Variants in SVEP1 observed in about 807,000 individuals in gnomAD.
SVEP1 encodes sushi, von Willebrand factor type A, EGF and pentraxin domain containing 1.
Under a neutral mutation model 367.3 loss-of-function variants are expected in SVEP1, and 164 were observed. The observed-to-expected ratio is 0.45, with a 90% CI of 0.39 to 0.51. The LOEUF is 0.51. Among genes scored for constraint, SVEP1 ranks in the 20% least tolerant of loss-of-function variants. The probability of loss-of-function intolerance (pLI) is 0.00; values close to 1 mark genes in which losing one functional copy is unlikely to be tolerated. For missense variants in SVEP1, 4,117 were observed against 4,425.3 expected (o/e 0.93, Z 1.98); for synonymous variants, 1,666 against 1,611.6 (o/e 1.03, Z -0.81).
chr9:110,563,291 G>A (rs1372632139), intron 1 of SVEP1, among the ~76,000 whole-genome samples: 3 of 152,058 alleles, frequency 2.0e-5, no homozygotes, highest in Non-Finnish European at 4.4e-5. Flanking sequence ...TACTACATAT[G>A]ACATATAATT....
At position 110,435,359 on chromosome 9, in the gene SVEP1, C is replaced by T. The variant is rs771608863; in HGVS notation, c.4770G>A (p.Lys1590=). 7.3e-5 allele frequency: 117 copies of T among 1,612,834 alleles called. No homozygotes were observed. The Middle Eastern group carries it at 2.8e-3, about 39-fold the overall frequency. ...WDYVLSPQQV[K]SLATSCPEEL... is the part of the protein sequence containing the mutation. ...CCTCTGGGCAGGAGGTAGCCAGTGA[C>T]TTCACCTGAAAGTTTAATAACACTT... The change falls in exon 29 of 48, where the codon AAG becomes AAA. Residue 1590 remains lysine, a synonymous_variant. Transcript: ENST00000374469.
intron 13 of SVEP1, among the ~76,000 whole-genome samples, chr9:110,478,652 A>AC (rs1278660517): frequency 2.0e-5 from 3 of 152,228 alleles, no homozygotes; most frequent in African/African-American, 7.2e-5. Context: ...TTTGCTAGTA[A>AC]CAGTGACAAC....
chr9:110,427,950 T>C (rs1251109106), intron 35 of SVEP1, among the ~76,000 whole-genome samples, 192 bp from the exon 36 acceptor site: 1 of 152,158 alleles, frequency 6.6e-6, no homozygotes, highest in Non-Finnish European at 1.5e-5. Context: ...TTTGAAACAA[T>C]GAATGGGTGA....
chr9:110,551,673 G>A (rs1830288862), intron 1 of SVEP1, among the ~76,000 whole-genome samples: 1 of 152,090 alleles, frequency 6.6e-6, no homozygotes, highest in Non-Finnish European at 1.5e-5. Flanking sequence ...AAAATTCTTG[G>A]CTCTTAAAGT....
intron 3 of SVEP1, among the ~76,000 whole-genome samples, chr9:110,537,823 G>T (rs1034006027): frequency 6.6e-6 from 1 of 151,670 alleles, no homozygotes; most frequent in African/African-American, 2.4e-5. Context: ...AAAAATCAAC[G>T]AGGGATTTGT....
At position 110,466,760 on chromosome 9, in the gene SVEP1, C is replaced by CAAAAAAAAAAAAAAAAAAAAAAAA. The variant is rs71371670; in HGVS notation, c.3161-735_3161-734insTTTTTTTTTTTTTTTTTTTTTTTT. ...TGGGCGACAGAGCGAGACTCCATCT[C>CAAAAAAAAAAAAAAAAAAAAAAAA]AAAAAAAAAAAAAAAAAAGAACTGG... On this transcript the variant is annotated intron_variant, in intron 17 of 47. Coordinates refer to ENST00000374469, the MANE Select transcript of SVEP1 (RefSeq NM_153366.4). Among the ~76,000 whole-genome samples, 2 of 46,406 alleles carry CAAAAAAAAAAAAAAAAAAAAAAAA rather than the reference C, an allele frequency of 4.3e-5. 1 individual carries two copies. 30.4% of individuals were successfully genotyped at this position (46,406 alleles called of 152,430 possible).
chr9:110,425,906 A>G (rs887588749), intron 36 of SVEP1, among the ~76,000 whole-genome samples: 6 of 152,212 alleles, frequency 3.9e-5, no homozygotes, highest in Admixed American at 3.9e-4. Flanking sequence ...ACTTTTAAAT[A>G]TAGATTTTGT....
intron 45 of SVEP1, among the ~76,000 whole-genome samples, chr9:110,376,571 G>A (rs1221878172): frequency 6.6e-6 from 1 of 152,120 alleles, no homozygotes; most frequent in Non-Finnish European, 1.5e-5. Context: ...TTCCTGCCCT[G>A]TAGGAAAAAC....
chr9:110,387,165 T>TA (rs1311866294), intron 42 of SVEP1, 120 bp downstream of exon 42: 1 of 964,490 alleles, frequency 1.0e-6, no homozygotes, highest in Non-Finnish European at 1.5e-6. Flanking sequence ...TGGATAGGCA[T>TA]TAATTGCTTT....
intron 1 of SVEP1, among the ~76,000 whole-genome samples, chr9:110,572,960 A>G (rs1490004291): frequency 6.6e-6 from 1 of 152,100 alleles, no homozygotes; most frequent in Non-Finnish European, 1.5e-5. Flanking sequence ...AAGGTTGAAA[A>G]AGAGATTCCT....
intron 36 of SVEP1, among the ~76,000 whole-genome samples, chr9:110,424,998 C>T (rs891860704): frequency 1.3e-5 from 2 of 151,966 alleles, no homozygotes; most frequent in African/African-American, 4.9e-5. Context: ...CTATTTATTT[C>T]AAATGTTTTG....
chr9:110,430,315 A>C lies in SVEP1; in HGVS notation c.5489T>G (p.Leu1830Trp). The change falls in exon 33 of 48, where the codon TTG becomes TGG. Residue 1830 changes from leucine to tryptophan, a missense_variant. Around this residue, in one of 4 missense-constraint regions of SVEP1, gnomAD observed 2,174 missense variants for 2,494.3 expected, o/e 0.87. Coordinates refer to ENST00000374469, the MANE Select transcript of SVEP1 (RefSeq NM_153366.4). ...TAGATGATTCCATTCTCCAGACTCC[A>C]AACATGTGATTTTGGTTACTCCCAT... The part of the protein sequence containing the change: ...QLMGVTKITC[L>W]ESGEWNHLIP... 1 of 1,613,444 alleles carries C rather than the reference A, an allele frequency of 6.2e-7. No homozygotes were observed. The highest frequency in any genetic ancestry group is 8.5e-7 in the Non-Finnish European group (1 of 1,179,696).
chr9:110,507,486 G>A (rs1397312766), intron 5 of SVEP1, among the ~76,000 whole-genome samples: 1 of 152,168 alleles, frequency 6.6e-6, no homozygotes, highest in Non-Finnish European at 1.5e-5. Context: ...TTAAATAAAA[G>A]TTTAGGATCC....
At chr9:110,533,926 G>A (rs979591718) in intron 3 of SVEP1, among the ~76,000 whole-genome samples, 12 of 152,154 alleles carry the variant, frequency 7.9e-5, no homozygotes, top group African/African-American at 2.9e-4. Context: ...TCATTTCTTT[G>A]ATGGATAATG....
rs73534512 is a variant in SVEP1 at position 110,523,090 on chromosome 9, G to A, written c.965-8984C>T. On this transcript the variant is annotated intron_variant, in intron 3 of 47. Transcript: ENST00000374469. ...TTACCAAAGGCCATGTCTTCAGCCT[G>A]AAATTCAAGTCCCAGTACAATTTAG... Among the ~76,000 whole-genome samples, 1,022 of 152,218 alleles carry A rather than the reference G, an allele frequency of 6.7e-3. 12 individuals carry two copies. The highest frequency in any genetic ancestry group is 0.023 in the African/African-American group (945 of 41,530).
Position 110,539,835 on chromosome 9 carries a change from A to T in SVEP1, c.964+6280T>A, listed in dbSNP as rs59254376. Among the ~76,000 whole-genome samples, 704 of 152,126 alleles carry T rather than the reference A, an allele frequency of 4.6e-3. 4 individuals are homozygous for T. The highest frequency in any genetic ancestry group is 0.016 in the African/African-American group (656 of 41,550). Reference sequence around the variant, plus strand: ...TCTTAATTGTGAGTCTGTTTGTTAAATTTCTATCCCATAGAATAATAAAAA... The same window carrying T: ...TCTTAATTGTGAGTCTGTTTGTTAATTTTCTATCCCATAGAATAATAAAAA... On this transcript the variant is annotated intron_variant, in intron 3 of 47. Transcript: ENST00000374469.
intron 28 of SVEP1, among the ~76,000 whole-genome samples, chr9:110,435,656 G>C (rs17806682): frequency 0.036 from 5,411 of 152,260 alleles, 90 homozygotes; most frequent in Middle Eastern, 0.058. Context: ...AGGGGTTGTA[G>C]AGGCTCTCCC....
chr9:110,367,711 A>G (rs1174107654), intron 47 of SVEP1, among the ~76,000 whole-genome samples: 1 of 152,140 alleles, frequency 6.6e-6, no homozygotes, highest in Non-Finnish European at 1.5e-5. Context: ...GACCAATCAG[A>G]GTCCTGGATT....
chr9:110,574,740 C>CTTTTTTTTTTTTTTTTT lies in SVEP1; in HGVS notation c.531+4272_531+4273insAAAAAAAAAAAAAAAAA, dbSNP rs1564180524. ...TAGACAGGGACTGAGTCCAGTCGAC[C>CTTTTTTTTTTTTTTTTT]TTCTTTTTTTTTTTTTTTTTTTTTT... On this transcript the variant is annotated intron_variant, in intron 1 of 47. Coordinates refer to ENST00000374469, the MANE Select transcript of SVEP1 (RefSeq NM_153366.4). Among the ~76,000 whole-genome samples the CTTTTTTTTTTTTTTTTT allele has an allele frequency of 1.9e-5, 2 of 106,332 alleles. 1 individual carries two copies. The allele number at this position is 106,332 out of a possible 152,430, so 69.8% of individuals were successfully genotyped here. A position where few individuals can be genotyped will look rare whatever the true frequency, so the allele number is the denominator to read the frequency against.
Sources: gnomAD v4.1 joint callset for allele counts (sites outside exome capture counted in the v4.1 genomes callset) on GRCh38, gnomAD v4.1.1 for gene constraint, gnomAD v4.1.1 regional missense constraint, MANE v1.5 for transcripts, NCBI Gene and HGNC (gene_info 2026-07-23, HGNC 2026-07-21) for gene names.